Variants in ANKRD44 observed in about 807,000 individuals in gnomAD.
ANKRD44 encodes the protein serine/threonine-protein phosphatase 6 regulatory ankyrin repeat subunit B.
A neutral mutation model predicts 116.0 loss-of-function variants in ANKRD44; 35 were observed. That is an observed-to-expected ratio of 0.30 (90% confidence interval 0.23 to 0.40). ANKRD44 has a LOEUF of 0.40. Ranked by LOEUF, ANKRD44 falls within the 10% of genes least tolerant of loss-of-function variation. ANKRD44 has a pLI of 1.00. For synonymous variants in ANKRD44, 435 were observed against 461.8 expected, an observed-to-expected ratio of 0.94 and a Z score of 0.74; for missense variants, 1,014 against 1,242.6, an observed-to-expected ratio of 0.82 and a Z score of 2.77.
chr2:197,071,186 C>T (rs2077551255), intron 16 of ANKRD44, among the ~76,000 whole-genome samples: 1 of 152,082 alleles, frequency 6.6e-6, no homozygotes, highest in African/African-American at 2.4e-5. Context: ...AATTTCTTCA[C>T]TGGTTTTCAA....
chr2:197,221,808 G>A (rs542009587), intron 1 of ANKRD44, among the ~76,000 whole-genome samples: 4 of 152,272 alleles, frequency 2.6e-5, no homozygotes, highest in Admixed American at 1.3e-4. Context: ...AATTACATTC[G>A]ATCAGCCAAA....
At chr2:197,182,887 A>G (rs1213600343) in intron 2 of ANKRD44, among the ~76,000 whole-genome samples, 1 of 152,224 alleles carries the variant, frequency 6.6e-6, no homozygotes, top group Admixed American at 6.5e-5. Flanking sequence ...ATGCAGTACA[A>G]AGAGCTGTGG....
Position 197,045,874 on chromosome 2 carries a change from G to C in ANKRD44, c.1651-20607C>G, listed in dbSNP as rs147493524. On this transcript the variant is annotated intron_variant, in intron 16 of 27. Coordinates refer to ENST00000282272, the MANE Select transcript of ANKRD44 (RefSeq NM_001195144.2). ...TGCATAAATTTGAAAAAAAATGAAA[G>C]AATTGTAAACTGTCTTTAAAATACA... Among the ~76,000 whole-genome samples the C allele has an allele frequency of 5.9e-5, 9 of 152,066 alleles. No individual in the cohort carries two copies. In the East Asian group the frequency reaches 1.7e-3, roughly 29 times the overall value.
chr2:197,294,599 C>CAA (rs1239947778), intron 1 of ANKRD44, among the ~76,000 whole-genome samples: 1 of 152,174 alleles, frequency 6.6e-6, no homozygotes, highest in Non-Finnish European at 1.5e-5. Context: ...CCCTCCGCCC[C>CAA]AACACACACA....
Position 197,151,333 on chromosome 2 carries a change from C to T in ANKRD44, c.112-4228G>A, listed in dbSNP as rs975029307. 5.9e-5 allele frequency among the ~76,000 whole-genome samples: 9 copies of T among 152,186 alleles called. No individual in the cohort carries two copies. The South Asian group carries it at 6.2e-4, about 11-fold the overall frequency. On this transcript the variant is annotated intron_variant, in intron 2 of 27. Transcript: ENST00000282272. Reference sequence around the variant, plus strand: ...AAGCAAGAGTCAGCAGACTGAAGAACCAGCAAGAATTTGAGATCACAGAAG... The same window carrying T: ...AAGCAAGAGTCAGCAGACTGAAGAATCAGCAAGAATTTGAGATCACAGAAG...
chr2:197,247,170 AT>A (rs1364753893), intron 1 of ANKRD44, among the ~76,000 whole-genome samples: 4 of 152,162 alleles, frequency 2.6e-5, no homozygotes, highest in African/African-American at 9.7e-5. Context: ...ATAGAAAAAA[AT>A]TGTTTCAGCT....
At chr2:197,055,670 C>T (rs150563362) in intron 16 of ANKRD44, among the ~76,000 whole-genome samples, 385 of 152,252 alleles carry the variant, frequency 2.5e-3, no homozygotes, top group African/African-American at 8.8e-3. Context: ...TAACCTAGCA[C>T]TATTTGGTGA....
chr2:197,219,220 C>A (rs113312194), intron 1 of ANKRD44, among the ~76,000 whole-genome samples: 25 of 151,994 alleles, frequency 1.6e-4, no homozygotes, highest in Non-Finnish European at 2.4e-4. Context: ...CAGGCATATG[C>A]CACCACATCC....
chr2:197,018,539 CA>C (rs1380833783), intron 17 of ANKRD44, among the ~76,000 whole-genome samples: 1 of 152,176 alleles, frequency 6.6e-6, no homozygotes, highest in Non-Finnish European at 1.5e-5. Context: ...CCCTCCACCT[CA>C]CACATACTCC....
intron 24 of ANKRD44, among the ~76,000 whole-genome samples, chr2:196,998,628 CA>C (rs2076057660): frequency 6.6e-6 from 1 of 152,162 alleles, no homozygotes. Flanking sequence ...ACTGCTTTTA[CA>C]GTTCATTATT....
intron 2 of ANKRD44, among the ~76,000 whole-genome samples, chr2:197,182,281 T>G (rs1460004916): frequency 6.6e-6 from 1 of 152,188 alleles, no homozygotes; most frequent in Non-Finnish European, 1.5e-5. Flanking sequence ...GGCCCTGGTA[T>G]GCCATTAACC....
Position 196,997,789 on chromosome 2 carries a change from T to C in ANKRD44, c.2748+548A>G, listed in dbSNP as rs1451927009. On this transcript the variant is annotated intron_variant, in intron 25 of 27. Transcript: ENST00000282272. The stretch of plus-strand genomic sequence containing the variant: ...ATGGAAGAAGGAATCTTGAGCAACA[T>C]GTGAACACACCACTATTTGAAAAAA... Among the ~76,000 whole-genome samples the C allele has an allele frequency of 2.1e-5, 3 of 142,972 alleles. No individual in the cohort carries two copies. In the East Asian group the frequency reaches 6.6e-4, roughly 31 times the overall value. The allele number at this position is 142,972 out of a possible 152,430, so 93.8% of individuals were successfully genotyped here. A position where few individuals can be genotyped will look rare whatever the true frequency, so the allele number is the denominator to read the frequency against.
chr2:197,099,933 G>A lies in ANKRD44; in HGVS notation c.986-3C>T, dbSNP rs1356500905. ...ATCCACACAGTCAATTTCACCTCCT[G>A]AAAGAGATATTTTAATACAGGATAA... On this transcript the variant is annotated splice_region_variant and splice_polypyrimidine_tract_variant and intron_variant, in intron 9 of 27. Transcript: ENST00000282272. 1 of 1,613,502 alleles carries A rather than the reference G, an allele frequency of 6.2e-7. No individual in the cohort carries two copies. Among genetic ancestry groups the A allele is most frequent in the East Asian group, 2.2e-5 (1 of 44,878 alleles).
intron 9 of ANKRD44, among the ~76,000 whole-genome samples, chr2:197,103,553 G>A (rs141804465): frequency 1.7e-3 from 263 of 152,104 alleles, no homozygotes; most frequent in African/African-American, 5.8e-3. Context: ...GATGACTAAC[G>A]GGTATGAGGT....
chr2:197,234,733 G>A (rs1236173088), intron 1 of ANKRD44, among the ~76,000 whole-genome samples: 1 of 152,118 alleles, frequency 6.6e-6, no homozygotes, highest in African/African-American at 2.4e-5. Context: ...AACTTTTAAA[G>A]TTAGGTTGCT....
In ANKRD44 at chr2:197,265,661, G is replaced by C. The variant is rs944888470; in HGVS notation, c.27+44917C>G. Reference sequence around the variant, plus strand: ...TGTTTCATGATTCTCTATCTCCTAAGTGTAGAGTTTCTCATATGCAGAGAT... The same window carrying C: ...TGTTTCATGATTCTCTATCTCCTAACTGTAGAGTTTCTCATATGCAGAGAT... On this transcript the variant is annotated intron_variant, in intron 1 of 27. Coordinates refer to ENST00000282272, the MANE Select transcript of ANKRD44 (RefSeq NM_001195144.2). 3.9e-5 allele frequency among the ~76,000 whole-genome samples: 6 copies of C among 152,078 alleles called. No homozygotes were observed. The East Asian group carries it at 1.2e-3, about 29-fold the overall frequency.
At chr2:197,152,560 A>G (rs1559107284) in intron 2 of ANKRD44, among the ~76,000 whole-genome samples, 1 of 152,212 alleles carries the variant, frequency 6.6e-6, no homozygotes, top group Non-Finnish European at 1.5e-5. Context: ...CTAAATTTGC[A>G]GTATGTCTCA....
intron 1 of ANKRD44, among the ~76,000 whole-genome samples, chr2:197,210,742 G>A (rs938089990): frequency 2.6e-5 from 4 of 152,120 alleles, no homozygotes; most frequent in African/African-American, 9.7e-5. Flanking sequence ...ATCCTCCTTC[G>A]GCTCAGATAT....
chr2:197,302,691 C>G (rs756001368), intron 1 of ANKRD44, among the ~76,000 whole-genome samples: 1 of 152,100 alleles, frequency 6.6e-6, no homozygotes, highest in Non-Finnish European at 1.5e-5. Flanking sequence ...CCTGATCTTG[C>G]CAGTCTTAGA....
Sources: allele counts gnomAD v4.1 joint callset (sites outside exome capture counted in the v4.1 genomes callset), GRCh38; gene constraint gnomAD v4.1.1; transcripts MANE v1.5; gene names NCBI Gene and HGNC (gene_info 2026-07-23, HGNC 2026-07-21).